DNAH9: variants seen among roughly 807,000 people sequenced by gnomAD.
The protein encoded by DNAH9 is DNAH9 variant protein.
A neutral mutation model predicts 471.6 loss-of-function variants in DNAH9; 345 were observed. The ratio of observed to expected loss-of-function variants is 0.73; its 90% CI spans 0.67 to 0.80. The LOEUF is 0.80. Among genes scored for constraint, DNAH9 ranks in the 30% least tolerant of loss-of-function variants. The probability of loss-of-function intolerance (pLI) is 0.00; values close to 1 mark genes in which losing one functional copy is unlikely to be tolerated. For synonymous variants in DNAH9, 2,093 were observed against 2,123.6 expected, an observed-to-expected ratio of 0.99 and a Z score of 0.40; for missense variants, 5,407 against 5,609.2, an observed-to-expected ratio of 0.96 and a Z score of 1.15.
rs375315617 is a variant in DNAH9 at position 11,852,801 on chromosome 17, AGT to A, written c.9508-1189_9508-1188del. ...TATATATAAGAGATATATATAAGAA[AGT>A]GTGTGTGTGTGTATATATATATATA... On this transcript the variant is annotated intron_variant, in intron 49 of 68. Coordinates refer to ENST00000262442, the MANE Select transcript of DNAH9 (RefSeq NM_001372.4). Among the ~76,000 whole-genome samples, 3 of 41,058 alleles carry A rather than the reference AGT, an allele frequency of 7.3e-5. No individual in the cohort carries two copies. The South Asian group carries it at 2.6e-3, about 36-fold the overall frequency. 26.9% of individuals were successfully genotyped at this position (41,058 alleles called of 152,430 possible).
chr17:11,915,107 C>G (rs865980489), intron 61 of DNAH9, among the ~76,000 whole-genome samples: 23 of 152,286 alleles, frequency 1.5e-4, no homozygotes, highest in African/African-American at 5.3e-4. Flanking sequence ...TTTCACCTGG[C>G]TTATTACACT....
intron 48 of DNAH9, among the ~76,000 whole-genome samples, chr17:11,830,741 C>T (rs920073691): frequency 3.3e-5 from 5 of 152,126 alleles, no homozygotes; most frequent in East Asian, 1.9e-4. Flanking sequence ...TAAATGAATT[C>T]GTTTGTATAA....
intron 67 of DNAH9, among the ~76,000 whole-genome samples, chr17:11,955,557 A>C (rs565593207): frequency 6.6e-5 from 10 of 152,304 alleles, no homozygotes; most frequent in Non-Finnish European, 1.5e-4. Flanking sequence ...CTACATTTGG[A>C]GATTTGCTAG....
chr17:11,875,942 G>C (rs1160427544), intron 53 of DNAH9: 1 of 152,154 alleles, frequency 6.6e-6, no homozygotes, highest in Non-Finnish European at 1.5e-5. Context: ...TCATTAGGAG[G>C]TTGATATGCA....
At chr17:11,708,149 G>A (rs1219809760) in intron 26 of DNAH9, among the ~76,000 whole-genome samples, 9 of 151,902 alleles carry the variant, frequency 5.9e-5, no homozygotes, top group Non-Finnish European at 1.3e-4. Flanking sequence ...TTCCCCTTTG[G>A]AATGTAAACC....
chr17:11,926,035 G>GAAAAAACAAAAAAAAAAAAAAAAAAA (rs1974308609), intron 62 of DNAH9, among the ~76,000 whole-genome samples: 1 of 59,896 alleles, frequency 1.7e-5, no homozygotes, highest in Non-Finnish European at 2.8e-5. Flanking sequence ...GAGATTCTCT[G>GAAAAAACAAAAAAAAAAAAAAAAAAA]AAAAAAAAAA....
At chr17:11,781,285 A>G (rs1013728844) in intron 39 of DNAH9, 111 bp downstream of exon 39, 4 of 1,182,828 alleles carry the variant, frequency 3.4e-6, no homozygotes, top group East Asian at 2.6e-5. Context: ...CTCTGGTGCC[A>G]GATGGGAATC....
chr17:11,725,194 T>C (rs983815260), intron 27 of DNAH9, among the ~76,000 whole-genome samples: 5 of 152,226 alleles, frequency 3.3e-5, no homozygotes, highest in Non-Finnish European at 7.3e-5. Flanking sequence ...TAACAGACCA[T>C]GGACAGTTGC....
At chr17:11,840,832 A>G (rs1237384435) in intron 49 of DNAH9, among the ~76,000 whole-genome samples, 7 of 152,168 alleles carry the variant, frequency 4.6e-5, no homozygotes, top group African/African-American at 1.7e-4. Flanking sequence ...TGGAAGCTGA[A>G]AAGGGTGTGC....
intron 65 of DNAH9, among the ~76,000 whole-genome samples, chr17:11,935,654 G>A (rs1210855882): frequency 6.6e-6 from 1 of 152,152 alleles, no homozygotes; most frequent in Non-Finnish European, 1.5e-5. Flanking sequence ...GATTACAGGC[G>A]TGAGCCACCG....
chr17:11,645,804 T>G (rs2073371574), intron 11 of DNAH9, among the ~76,000 whole-genome samples: 1 of 151,962 alleles, frequency 6.6e-6, no homozygotes, highest in African/African-American at 2.4e-5. Flanking sequence ...TTCCCTGACA[T>G]TCTCCTTATC....
chr17:11,645,185 G>A (rs544846459), intron 11 of DNAH9, among the ~76,000 whole-genome samples: 1 of 152,320 alleles, frequency 6.6e-6, no homozygotes, highest in African/African-American at 2.4e-5. Flanking sequence ...AACAGCCATT[G>A]TCTTGATTTC....
intron 22 of DNAH9, among the ~76,000 whole-genome samples, chr17:11,694,736 C>CT (rs1295400996): frequency 7.7e-4 from 3 of 3,904 alleles, no homozygotes; most frequent in African/African-American, 1.3e-3. Flanking sequence ...CTTTCTCTTT[C>CT]TTTCTTTCTT....
chr17:11,756,663 T>C lies in DNAH9; in HGVS notation c.6834T>C (p.Thr2278=), dbSNP rs1349040037. The stretch of plus-strand genomic sequence containing the variant: ...ACCTGCGCACAGCCACTCCAGCAAC[T>C]GTCTCTAGAGCAGGTACGGCCCAAG... ...ISHLRTATPA[T]VSRAGILYIN... The change falls in exon 34 of 69, where the codon ACT becomes ACC. Residue 2278 remains threonine, a synonymous_variant. Transcript: ENST00000262442. 1 of 1,608,372 alleles carries C rather than the reference T, an allele frequency of 6.2e-7. No individual in the cohort carries two copies. Among genetic ancestry groups the C allele is most frequent in the Non-Finnish European group, 8.5e-7 (1 of 1,174,956 alleles).
chr17:11,832,989 T>C (rs1367047257), intron 48 of DNAH9, among the ~76,000 whole-genome samples: 1 of 152,214 alleles, frequency 6.6e-6, no homozygotes, highest in East Asian at 1.9e-4. Context: ...TTAAAACAGA[T>C]TGCCACCCCC....
At chr17:11,773,868 G>A (rs1458825713) in intron 38 of DNAH9, among the ~76,000 whole-genome samples, 3 of 152,166 alleles carry the variant, frequency 2.0e-5, no homozygotes, top group Non-Finnish European at 2.9e-5. Flanking sequence ...GGAGGCTCAT[G>A]CCTGTAATCC....
At chr17:11,969,154 C>CTGCTGAGAAAACCTGGAAGGGGGCAGGCA (rs1976989710) in intron 68 of DNAH9, 146 bp from the exon 69 acceptor site, 1 of 653,838 alleles carries the variant, frequency 1.5e-6, no homozygotes, top group Non-Finnish European at 2.7e-6. Flanking sequence ...CCATCAAAGG[C>CTGCTGAGAAAACCTGGAAGGGGGCAGGCA]TGCTGAGAAA....
At chr17:11,859,924 A>G (rs757547722) in intron 50 of DNAH9, among the ~76,000 whole-genome samples, 1 of 152,176 alleles carries the variant, frequency 6.6e-6, no homozygotes, top group Non-Finnish European at 1.5e-5. Context: ...TGGAGGAGAC[A>G]GACATCCAAA....
chr17:11,717,122 C>T (rs1256586190), intron 26 of DNAH9, among the ~76,000 whole-genome samples: 1 of 152,250 alleles, frequency 6.6e-6, no homozygotes, highest in Non-Finnish European at 1.5e-5. Flanking sequence ...AACCCTGACT[C>T]ACCTCATCAT....
Sources: allele counts gnomAD v4.1 joint callset (sites outside exome capture counted in the v4.1 genomes callset), GRCh38; gene constraint gnomAD v4.1.1; transcripts MANE v1.5; gene names NCBI Gene and HGNC (gene_info 2026-07-23, HGNC 2026-07-21).